The following MYRIP variants were observed in gnomAD, a reference collection of about 807,000 sequenced individuals.
MYRIP encodes rab effector MyRIP.
MYRIP carries 49 observed loss-of-function variants against 98.0 expected under a neutral mutation model. The observed-to-expected ratio is 0.50, with a 90% CI of 0.40 to 0.63. The LOEUF is 0.63. Among genes scored for constraint, MYRIP ranks in the 30% least tolerant of loss-of-function variants. The pLI is 0.00. For synonymous variants in MYRIP, 404 were observed against 409.5 expected, an observed-to-expected ratio of 0.99 and a Z score of 0.16; for missense variants, 1,004 against 1,058.2, an observed-to-expected ratio of 0.95 and a Z score of 0.71.
At chr3:40,077,399 T>C (rs950691540) in intron 3 of MYRIP, among the ~76,000 whole-genome samples, 2 of 152,152 alleles carry the variant, frequency 1.3e-5, no homozygotes, top group African/African-American at 4.8e-5. Context: ...TTGGTGCATT[T>C]ACGATCCCTG....
chr3:39,813,891 CTT>C (rs952159742), intron 1 of MYRIP, among the ~76,000 whole-genome samples: 3 of 144,992 alleles, frequency 2.1e-5, no homozygotes, highest in African/African-American at 7.5e-5. Context: ...GGACACCTGT[CTT>C]ATCTATTTTT....
intron 2 of MYRIP, among the ~76,000 whole-genome samples, chr3:39,902,367 C>T (rs1224332308): frequency 1.3e-5 from 2 of 152,304 alleles, no homozygotes; most frequent in East Asian, 1.9e-4. Context: ...TGCTTGGCAG[C>T]GCTAAGACCA....
At chr3:40,098,335 G>A (rs1352919371) in intron 3 of MYRIP, among the ~76,000 whole-genome samples, 2 of 152,126 alleles carry the variant, frequency 1.3e-5, no homozygotes, top group African/African-American at 4.8e-5. Flanking sequence ...GAACCCATTT[G>A]TAATGCAATA....
intron 3 of MYRIP, among the ~76,000 whole-genome samples, chr3:40,076,528 T>C (rs1427901598): frequency 6.6e-6 from 1 of 152,210 alleles, no homozygotes; most frequent in Non-Finnish European, 1.5e-5. Context: ...GCCAGGTGCC[T>C]TAGGGCTTTA....
intron 3 of MYRIP, among the ~76,000 whole-genome samples, chr3:40,130,538 C>T (rs1408522576): frequency 2.6e-5 from 4 of 151,606 alleles, no homozygotes; most frequent in Non-Finnish European, 4.4e-5. Context: ...CCATCACGCC[C>T]GGCTAATTTT....
At chr3:39,853,476 T>G (rs1275336490) in intron 1 of MYRIP, among the ~76,000 whole-genome samples, 1 of 152,198 alleles carries the variant, frequency 6.6e-6, no homozygotes. Flanking sequence ...GGTATCTCAT[T>G]GTGGTTTTAA....
intron 10 of MYRIP, among the ~76,000 whole-genome samples, chr3:40,204,006 A>G (rs1575627974): frequency 3.8e-4 from 2 of 5,266 alleles, no homozygotes; most frequent in Admixed American, 5.2e-3. Context: ...TATATTATAT[A>G]TTATATATAA....
intron 10 of MYRIP, among the ~76,000 whole-genome samples, chr3:40,196,494 ACTTTG>A (rs1458145431): frequency 6.6e-6 from 1 of 152,182 alleles, no homozygotes; most frequent in Non-Finnish European, 1.5e-5. Context: ...GATGGATAAC[ACTTTG>A]CTTTGTTTTT....
At chr3:39,911,017 C>T (rs1338579898) in intron 2 of MYRIP, among the ~76,000 whole-genome samples, 1 of 152,072 alleles carries the variant, frequency 6.6e-6, no homozygotes, top group Non-Finnish European at 1.5e-5. Flanking sequence ...GGGTTTATTA[C>T]ACAGTTTAAA....
At chr3:39,907,059 C>T (rs1223121043) in intron 2 of MYRIP, among the ~76,000 whole-genome samples, 1 of 151,920 alleles carries the variant, frequency 6.6e-6, no homozygotes, top group East Asian at 1.9e-4. Flanking sequence ...ATTGGTCTCC[C>T]CATGGTAACT....
chr3:39,885,136 TA>T (rs1380906281), intron 1 of MYRIP, among the ~76,000 whole-genome samples: 3 of 152,024 alleles, frequency 2.0e-5, no homozygotes, highest in Non-Finnish European at 4.4e-5. Flanking sequence ...TCTTTTTATA[TA>T]TTTGATAGAT....
At chr3:40,181,956 A>G (rs1950891424) in intron 8 of MYRIP, among the ~76,000 whole-genome samples, 1 of 152,194 alleles carries the variant, frequency 6.6e-6, no homozygotes, top group Non-Finnish European at 1.5e-5. Context: ...AGAGTGGTGG[A>G]TAAGAAAGAG....
chr3:39,820,500 T>C (rs571243600), intron 1 of MYRIP, among the ~76,000 whole-genome samples: 19 of 152,340 alleles, frequency 1.2e-4, no homozygotes, highest in African/African-American at 4.3e-4. Context: ...ATTTTCCCTA[T>C]GTAGCTCCAG....
intron 11 of MYRIP, among the ~76,000 whole-genome samples, chr3:40,212,220 A>G (rs1451838873): frequency 1.4e-5 from 1 of 73,286 alleles, no homozygotes; most frequent in South Asian, 3.7e-4. Flanking sequence ...GTGTATATAT[A>G]TATATACACA....
chr3:40,057,162 C>A (rs1947901881), intron 3 of MYRIP, among the ~76,000 whole-genome samples: 1 of 152,114 alleles, frequency 6.6e-6, no homozygotes, highest in African/African-American at 2.4e-5. Context: ...CCTCCCTTCA[C>A]CTTCATGCTT....
intron 1 of MYRIP, among the ~76,000 whole-genome samples, chr3:39,884,272 T>G (rs570479145): frequency 6.6e-6 from 1 of 152,222 alleles, no homozygotes; most frequent in African/African-American, 2.4e-5. Flanking sequence ...CAAGATGGCA[T>G]GGACTTGTCC....
At chr3:39,815,497 TG>T (rs1391008926) in intron 1 of MYRIP, among the ~76,000 whole-genome samples, 2 of 152,166 alleles carry the variant, frequency 1.3e-5, no homozygotes, top group Non-Finnish European at 2.9e-5. Flanking sequence ...CTCTTGTGAA[TG>T]GGATCATCTC....
At chr3:40,086,260 C>T (rs1326090747) in intron 3 of MYRIP, among the ~76,000 whole-genome samples, 1 of 152,200 alleles carries the variant, frequency 6.6e-6, no homozygotes, top group African/African-American at 2.4e-5. Context: ...AATAACTTCT[C>T]ACGGTCTGAA....
At chr3:39,832,536 A>C (rs1941482439) in intron 1 of MYRIP, among the ~76,000 whole-genome samples, 1 of 152,230 alleles carries the variant, frequency 6.6e-6, no homozygotes, top group African/African-American at 2.4e-5. Flanking sequence ...AAACACTAGC[A>C]ATCTCTAGCA....
Sources: allele counts gnomAD v4.1 joint callset (sites outside exome capture counted in the v4.1 genomes callset), GRCh38; gene constraint gnomAD v4.1.1; transcripts MANE v1.5; gene names NCBI Gene and HGNC (gene_info 2026-07-23, HGNC 2026-07-21).